Variants in AOPEP observed in about 807,000 individuals in gnomAD.
AOPEP encodes the protein aminopeptidase O.
AOPEP carries 77 observed loss-of-function variants against 98.1 expected under a neutral mutation model. The ratio of observed to expected loss-of-function variants is 0.78; its 90% confidence interval spans 0.65 to 0.95. AOPEP has a LOEUF of 0.95. Among genes scored for constraint, AOPEP ranks in the 40% least tolerant of loss-of-function variants. The pLI, the probability that AOPEP is intolerant of heterozygous loss-of-function variation, is 0.00. For missense variants in AOPEP, 1,024 were observed against 1,024.7 expected, an observed-to-expected ratio of 1.00 and a Z score of 0.01; for synonymous variants, 346 against 365.3, an observed-to-expected ratio of 0.95 and a Z score of 0.60.
At chr9:94,787,401 C>G (rs1258300187) in intron 3 of AOPEP, among the ~76,000 whole-genome samples, 2 of 152,184 alleles carry the variant, frequency 1.3e-5, no homozygotes, top group African/African-American at 4.8e-5. Flanking sequence ...TACCTCTACT[C>G]CATTAGCAGT....
At chr9:95,139,812 G>A in the AOPEP span, among the ~76,000 whole-genome samples, 1 of 144,600 alleles carries the variant, frequency 6.9e-6, no homozygotes, top group African/African-American at 2.6e-5. Flanking sequence ...TGTTTGACCT[G>A]ACAAAATGAA....
At chr9:94,819,669 G>A (rs1257053851) in intron 5 of AOPEP, among the ~76,000 whole-genome samples, 1 of 152,140 alleles carries the variant, frequency 6.6e-6, no homozygotes, top group East Asian at 1.9e-4. Context: ...TCACCTCCCA[G>A]GCTCAATCAG....
At chr9:94,957,056 C>T (rs2058507712) in intron 9 of AOPEP, among the ~76,000 whole-genome samples, 1 of 152,196 alleles carries the variant, frequency 6.6e-6, no homozygotes, top group African/African-American at 2.4e-5. Context: ...CAAATTCCTA[C>T]TGCTTGAAGC....
chr9:94,797,740 G>A (rs1049993884), intron 4 of AOPEP, among the ~76,000 whole-genome samples: 1 of 113,542 alleles, frequency 8.8e-6, no homozygotes, highest in Non-Finnish European at 1.8e-5. Flanking sequence ...GTCATGCTTT[G>A]TTGCCCAGGC....
chr9:94,844,715 T>G (rs1314153821), intron 5 of AOPEP, among the ~76,000 whole-genome samples: 6 of 152,184 alleles, frequency 3.9e-5, no homozygotes, highest in Non-Finnish European at 1.5e-5. Flanking sequence ...CAGAAACTCT[T>G]GACACTGGGG....
the AOPEP span, among the ~76,000 whole-genome samples, chr9:95,116,648 G>C: frequency 1.3e-5 from 2 of 152,172 alleles, no homozygotes; most frequent in Non-Finnish European, 2.9e-5. Flanking sequence ...TCAGGTTTCA[G>C]GCCTCAGAGG....
At chr9:94,812,185 C>A (rs919449364) in intron 5 of AOPEP, among the ~76,000 whole-genome samples, 2 of 152,180 alleles carry the variant, frequency 1.3e-5, no homozygotes, top group African/African-American at 4.8e-5. Context: ...CTCTGTAATA[C>A]TTCCTTAAAC....
rs79983655 is a variant in AOPEP, at chr9:95,033,628, C to T, written c.2116-27066C>T. Among the ~76,000 whole-genome samples, 1,071 of 152,174 alleles carry T rather than the reference C, an allele frequency of 7.0e-3. 10 individuals are homozygous for T. Among genetic ancestry groups the T allele is most frequent in the African/African-American group, 0.024 (1,002 of 41,500 alleles). ...ATGAAGTAGTAGGTTAATTATATGA[C>T]GCTATAATTAATAATAAAGCCTGTA... On this transcript the variant is annotated intron_variant, in intron 13 of 16. Transcript: ENST00000375315.
At chr9:95,122,733 A>C in the AOPEP span, among the ~76,000 whole-genome samples, 1 of 152,238 alleles carries the variant, frequency 6.6e-6, no homozygotes, top group African/African-American at 2.4e-5. Context: ...TAAAGAGCAC[A>C]GTGGCACTCC....
At chr9:95,067,717 C>T (rs1239607064) in intron 14 of AOPEP, among the ~76,000 whole-genome samples, 3 of 152,196 alleles carry the variant, frequency 2.0e-5, no homozygotes, top group Non-Finnish European at 4.4e-5. Context: ...CCATGAAGTG[C>T]ACCCATTTTA....
intron 1 of AOPEP, among the ~76,000 whole-genome samples, chr9:94,755,288 A>G (rs539020158): frequency 2.8e-4 from 42 of 152,314 alleles, no homozygotes; most frequent in African/African-American, 9.9e-4. Context: ...CTGCTTAGAA[A>G]TATGGTTTCC....
chr9:94,817,597 T>C (rs779998596), intron 5 of AOPEP, among the ~76,000 whole-genome samples: 2 of 152,178 alleles, frequency 1.3e-5, no homozygotes, highest in Non-Finnish European at 2.9e-5. Context: ...TGAGGTCTAG[T>C]AGGACGAGTT....
downstream of AOPEP, among the ~76,000 whole-genome samples, chr9:95,090,429 C>T (rs565910401): frequency 3.3e-5 from 5 of 152,282 alleles, no homozygotes; most frequent in African/African-American, 7.2e-5. Context: ...CCCCTGCTGC[C>T]GCCTCCGGCT....
chr9:94,799,880 GAAAT>G (rs1426952608), intron 4 of AOPEP, among the ~76,000 whole-genome samples: 1 of 151,454 alleles, frequency 6.6e-6, no homozygotes, highest in African/African-American at 2.4e-5. Flanking sequence ...AAAAAATAAT[GAAAT>G]AAATAATGAT....
chr9:95,014,561 G>T (rs988675421), intron 13 of AOPEP, among the ~76,000 whole-genome samples: 1 of 152,110 alleles, frequency 6.6e-6, no homozygotes, highest in African/African-American at 2.4e-5. Flanking sequence ...AAAGTAAATA[G>T]TGGCTACCCA....
rs1465154915 is a variant in AOPEP, at chr9:94,930,593, G to A, written c.1661+2062G>A. Among the ~76,000 whole-genome samples the A allele has an allele frequency of 6.6e-6, 1 of 152,016 alleles. No individual in the cohort carries two copies. The highest frequency in any genetic ancestry group is 1.9e-4 in the East Asian group (1 of 5,178). ...GAGGGGGAGCCAACAGAGGACTCTG[G>A]GGAAACCATTATGTGTTTCCCCAGA... On this transcript the variant is annotated intron_variant, in intron 7 of 16. Coordinates refer to ENST00000375315, the MANE Select transcript of AOPEP (RefSeq NM_001193329.3). This position sits in a 1 kb window ranked among gnomAD's most constrained non-coding sequence, Gnocchi z 4.5.
intron 3 of AOPEP, among the ~76,000 whole-genome samples, chr9:94,786,748 T>C (rs1250938646): frequency 6.6e-6 from 1 of 152,218 alleles, no homozygotes; most frequent in African/African-American, 2.4e-5. Flanking sequence ...ATCTCAGCGC[T>C]GGCTCCAGCA....
downstream of AOPEP, among the ~76,000 whole-genome samples, chr9:95,091,554 G>A (rs960634756): frequency 3.9e-5 from 6 of 152,176 alleles, no homozygotes; most frequent in Non-Finnish European, 8.8e-5. Flanking sequence ...GGGAGCTGGA[G>A]GTTGAAAGGG....
At chr9:95,123,299 G>A in the AOPEP span, 1 of 295,312 alleles carries the variant, frequency 3.4e-6, no homozygotes, top group African/African-American at 2.3e-5. Context: ...GTAAGAGCCT[G>A]TCTCAAAAAA....
Sources: allele counts gnomAD v4.1 joint callset (sites outside exome capture counted in the v4.1 genomes callset), GRCh38; gene constraint gnomAD v4.1.1; non-coding constraint Gnocchi (gnomAD v3.1); transcripts MANE v1.5; gene names NCBI Gene and HGNC (gene_info 2026-07-23, HGNC 2026-07-21).